The following CCDC60 variants were observed in gnomAD, a reference collection of about 807,000 sequenced individuals.
CCDC60 encodes coiled-coil domain-containing protein 60.
Under a neutral mutation model 63.5 loss-of-function variants are expected in CCDC60, and 54 were observed. The observed-to-expected ratio is 0.85, with a 90% CI of 0.68 to 1.07. The LOEUF (loss-of-function observed/expected upper bound fraction) is 1.07. Ranked by LOEUF, CCDC60 falls within the 50% of genes least tolerant of loss-of-function variation. The pLI is 0.00. For synonymous variants in CCDC60, 206 were observed against 238.8 expected (o/e 0.86, Z 1.27); for missense variants, 651 against 684.3 (o/e 0.95, Z 0.54).
intron 1 of CCDC60, among the ~76,000 whole-genome samples, chr12:119,361,577 C>T (rs993987065): frequency 6.6e-6 from 1 of 152,150 alleles, no homozygotes; most frequent in Non-Finnish European, 1.5e-5. Context: ...AGAATCACCC[C>T]TGAGTTATTC....
intron 5 of CCDC60, among the ~76,000 whole-genome samples, chr12:119,492,217 A>T (rs1017371129): frequency 2.0e-5 from 3 of 152,166 alleles, no homozygotes; most frequent in Non-Finnish European, 4.4e-5. Context: ...GTCAATGACA[A>T]TGCTGGTAAA....
intron 7 of CCDC60, among the ~76,000 whole-genome samples, chr12:119,509,055 A>T (rs1358235697): frequency 6.6e-6 from 1 of 152,024 alleles, no homozygotes; most frequent in Non-Finnish European, 1.5e-5. Flanking sequence ...CACTGCAGGC[A>T]TGTCCCCAGT....
At chr12:119,539,741 T>G (rs1241059413) in intron 13 of CCDC60, among the ~76,000 whole-genome samples, 2 of 152,168 alleles carry the variant, frequency 1.3e-5, no homozygotes, top group African/African-American at 4.8e-5. Context: ...AGAAAAAAAC[T>G]CCTGCAGCTA....
intron 2 of CCDC60, among the ~76,000 whole-genome samples, chr12:119,434,548 T>C (rs1027508881): frequency 1.3e-5 from 2 of 151,978 alleles, no homozygotes; most frequent in African/African-American, 4.8e-5. Context: ...TAAAACCAGG[T>C]GATGTATAAA....
At chr12:119,495,520 C>T (rs1156825196) in intron 5 of CCDC60, among the ~76,000 whole-genome samples, 1 of 152,234 alleles carries the variant, frequency 6.6e-6, no homozygotes, top group Non-Finnish European at 1.5e-5. Context: ...CGTTTATCAG[C>T]ATACGAATGT....
At chr12:119,395,424 A>G (rs2136206959) in intron 1 of CCDC60, among the ~76,000 whole-genome samples, 1 of 152,344 alleles carries the variant, frequency 6.6e-6, no homozygotes, top group East Asian at 1.9e-4. Context: ...GCAAAGGGGA[A>G]GCAGACCCGT....
intron 3 of CCDC60, among the ~76,000 whole-genome samples, chr12:119,472,684 G>A (rs933380521): frequency 6.7e-6 from 1 of 148,922 alleles, no homozygotes; most frequent in Non-Finnish European, 1.5e-5. Context: ...AGGTTCAAGC[G>A]ATTCTCCTGC....
chr12:119,370,764 ATGCCTGTAATC>A (rs1434813858), intron 1 of CCDC60, among the ~76,000 whole-genome samples: 1 of 152,230 alleles, frequency 6.6e-6, no homozygotes. Flanking sequence ...ATAGTGGCTC[ATGCCTGTAATC>A]TCAACACTTT....
chr12:119,483,289 G>A (rs1951365637), intron 4 of CCDC60, among the ~76,000 whole-genome samples: 1 of 152,242 alleles, frequency 6.6e-6, no homozygotes, highest in Non-Finnish European at 1.5e-5. Flanking sequence ...TGAATTTTCA[G>A]TTGTCACATC....
At chr12:119,468,248 C>T (rs1950990441) in intron 2 of CCDC60, among the ~76,000 whole-genome samples, 1 of 152,056 alleles carries the variant, frequency 6.6e-6, no homozygotes, top group South Asian at 2.1e-4. Context: ...GCCGAGATCG[C>T]ACCACTACAC....
chr12:119,421,056 C>G (rs1018946380), intron 1 of CCDC60, among the ~76,000 whole-genome samples: 1 of 152,064 alleles, frequency 6.6e-6, no homozygotes, highest in Non-Finnish European at 1.5e-5. Context: ...GCTCACCCCT[C>G]GACGGAGCAT....
intron 1 of CCDC60, among the ~76,000 whole-genome samples, chr12:119,389,461 T>C (rs1656709061): frequency 6.6e-6 from 1 of 152,056 alleles, no homozygotes; most frequent in African/African-American, 2.4e-5. Flanking sequence ...TGACTCCAAC[T>C]CTATATTATT....
intron 2 of CCDC60, among the ~76,000 whole-genome samples, chr12:119,470,945 G>A (rs1049892556): frequency 2.0e-5 from 3 of 152,140 alleles, no homozygotes; most frequent in Non-Finnish European, 2.9e-5. Context: ...TTGCTTACTA[G>A]GAATTTGGAG....
intron 1 of CCDC60, among the ~76,000 whole-genome samples, chr12:119,401,404 T>G (rs1051182367): frequency 6.6e-6 from 1 of 152,226 alleles, no homozygotes; most frequent in Non-Finnish European, 1.5e-5. Context: ...TATCCAGCAC[T>G]TGCTGCGTAT....
At chr12:119,427,401 G>A (rs1031380671) in intron 1 of CCDC60, among the ~76,000 whole-genome samples, 16 of 152,222 alleles carry the variant, frequency 1.1e-4, no homozygotes, top group Middle Eastern at 3.4e-3. Flanking sequence ...TTATGTTGCC[G>A]TTATACTTAA....
chr12:119,465,617 G>C (rs1201490633), intron 2 of CCDC60, among the ~76,000 whole-genome samples: 1 of 152,064 alleles, frequency 6.6e-6, no homozygotes, highest in East Asian at 1.9e-4. Flanking sequence ...AACTAGCCAG[G>C]CGTGATGGTG....
chr12:119,528,841 T>C, intron 12 of CCDC60, 95 bp downstream of exon 12: 1 of 1,307,710 alleles, frequency 7.6e-7, no homozygotes, highest in Non-Finnish European at 1.0e-6. Flanking sequence ...CTTCAAGGCA[T>C]AGAGAGGCAT....
intron 1 of CCDC60, among the ~76,000 whole-genome samples, chr12:119,344,605 T>C (rs1456209420): frequency 6.6e-6 from 1 of 152,214 alleles, no homozygotes; most frequent in African/African-American, 2.4e-5. Context: ...TCAATGCAAG[T>C]GTGATACTGT....
At chr12:119,457,577 A>G (rs1950771223) in intron 2 of CCDC60, among the ~76,000 whole-genome samples, 1 of 152,270 alleles carries the variant, frequency 6.6e-6, no homozygotes, top group African/African-American at 2.4e-5. Context: ...TACCAGAGCA[A>G]TCTTTTGTGT....
Sources: gnomAD v4.1 joint callset for allele counts (sites outside exome capture counted in the v4.1 genomes callset) on GRCh38, gnomAD v4.1.1 for gene constraint, MANE v1.5 for transcripts, NCBI Gene and HGNC (gene_info 2026-07-23, HGNC 2026-07-21) for gene names.